UGGT2: variants seen among roughly 807,000 people sequenced by gnomAD.
UGGT2 encodes the protein UDP-glucose glycoprotein glucosyltransferase 2.
A neutral mutation model predicts 192.1 loss-of-function variants in UGGT2; 180 were observed. That is an observed-to-expected ratio of 0.94 (90% confidence interval 0.83 to 1.06). The LOEUF (loss-of-function observed/expected upper bound fraction) is 1.06, where lower values mean the gene tolerates loss of function less well. Ranked by LOEUF, UGGT2 falls within the 50% of genes least tolerant of loss-of-function variation. The pLI, the probability that UGGT2 is intolerant of heterozygous loss-of-function variation, is 0.00. For missense variants in UGGT2, 1,849 were observed against 1,795.7 expected (o/e 1.03, Z -0.54); for synonymous variants, 580 against 591.0 (o/e 0.98, Z 0.27).
chr13:95,940,905 A>G (rs756973748), intron 15 of UGGT2, among the ~76,000 whole-genome samples: 43 of 152,136 alleles, frequency 2.8e-4, no homozygotes, highest in Non-Finnish European at 5.9e-4. Flanking sequence ...ACTAGTAAGT[A>G]TTTTGACTAA....
intron 29 of UGGT2, among the ~76,000 whole-genome samples, chr13:95,871,356 T>C (rs1891205146): frequency 6.6e-6 from 1 of 152,088 alleles, no homozygotes; most frequent in African/African-American, 2.4e-5. Flanking sequence ...AGAAAAGGGA[T>C]TGTGTGAGAT....
chr13:95,914,526 G>A (rs1355884524), intron 20 of UGGT2, among the ~76,000 whole-genome samples: 2 of 145,080 alleles, frequency 1.4e-5, no homozygotes, highest in African/African-American at 5.1e-5. Context: ...TATAATCCCA[G>A]CACTTTGGGA....
At chr13:95,925,563 C>T (rs1013380600) in intron 20 of UGGT2, 117 bp downstream of exon 20, 21 of 699,098 alleles carry the variant, frequency 3.0e-5, no homozygotes, top group Admixed American at 3.8e-5. Context: ...TGAATTCCTT[C>T]GTCTACTTAA....
At chr13:95,927,374 A>T (rs201650972) in intron 17 of UGGT2, 38 bp from the exon 18 acceptor site, 1 of 1,527,770 alleles carries the variant, frequency 6.5e-7, no homozygotes, top group East Asian at 2.3e-5. Flanking sequence ...AATACAGGCA[A>T]TTTATATCCA....
intron 11 of UGGT2, 29 bp downstream of exon 11, chr13:95,972,551 T>C (rs1302424839): frequency 2.0e-6 from 3 of 1,512,314 alleles, no homozygotes; most frequent in African/African-American, 1.4e-5. Flanking sequence ...TAAACCATAG[T>C]TCATTTACAG....
chr13:95,903,174 T>C, intron 20 of UGGT2, 114 bp from the exon 21 acceptor site: 1 of 960,680 alleles, frequency 1.0e-6, no homozygotes, highest in Non-Finnish European at 1.5e-6. Context: ...TCTTTCACTA[T>C]CAAAGCCCTC....
chr13:95,828,991 C>G (rs528191617), intron 38 of UGGT2, among the ~76,000 whole-genome samples: 5 of 152,242 alleles, frequency 3.3e-5, no homozygotes, highest in African/African-American at 9.6e-5. Flanking sequence ...GGGTTTCATC[C>G]CTGGAATGCA....
intron 17 of UGGT2, among the ~76,000 whole-genome samples, chr13:95,931,518 G>A (rs1318743002): frequency 2.8e-5 from 4 of 143,110 alleles, no homozygotes; most frequent in African/African-American, 2.5e-5. Context: ...CTCGGGCTGC[G>A]CAAGACCCCA....
At chr13:95,813,672 C>T (rs780683453) in intron 38 of UGGT2, among the ~76,000 whole-genome samples, 1 of 152,124 alleles carries the variant, frequency 6.6e-6, no homozygotes. Context: ...TAGAGATATT[C>T]GCATAACCAA....
chr13:95,802,617 G>A (rs1042159087), intron 38 of UGGT2, among the ~76,000 whole-genome samples: 4 of 152,158 alleles, frequency 2.6e-5, no homozygotes, highest in Non-Finnish European at 4.4e-5. Flanking sequence ...AGGATACACC[G>A]CTGAAACGAT....
At chr13:96,053,126 G>A (rs1381778054) in intron 1 of UGGT2, 29 bp downstream of exon 1, 1 of 1,459,530 alleles carries the variant, frequency 6.9e-7, no homozygotes, top group Non-Finnish European at 9.0e-7. Context: ...GCCCACACCC[G>A]CCCGGACGAG....
At chr13:96,046,828 G>A (rs566996219) in intron 1 of UGGT2, among the ~76,000 whole-genome samples, 28 of 152,292 alleles carry the variant, frequency 1.8e-4, no homozygotes, top group Non-Finnish European at 3.2e-4. Flanking sequence ...TATATCCTGC[G>A]CATGGCTTGA....
chr13:96,050,510 C>A (rs1203903581), intron 1 of UGGT2, among the ~76,000 whole-genome samples: 1 of 152,196 alleles, frequency 6.6e-6, no homozygotes, highest in Non-Finnish European at 1.5e-5. Flanking sequence ...AGCATCTGCA[C>A]AGCAAAAGAA....
At chr13:95,834,800 C>T (rs1356073725) in intron 37 of UGGT2, among the ~76,000 whole-genome samples, 3 of 152,142 alleles carry the variant, frequency 2.0e-5, no homozygotes, top group Admixed American at 6.6e-5. Flanking sequence ...ACGTGACCAA[C>T]TCCCACCAAG....
chr13:95,931,609 CA>C (rs1056378981), intron 17 of UGGT2, among the ~76,000 whole-genome samples: 16 of 152,192 alleles, frequency 1.1e-4, no homozygotes, highest in South Asian at 2.1e-4. Context: ...AGCCCTGACC[CA>C]GGGGGAGGCA....
intron 38 of UGGT2, among the ~76,000 whole-genome samples, chr13:95,828,133 C>A (rs1218081265): frequency 6.6e-6 from 1 of 151,724 alleles, no homozygotes; most frequent in African/African-American, 2.4e-5. Flanking sequence ...TCTGCTGCAA[C>A]CTGGACATAT....
chr13:95,815,969 G>A (rs1253060239), intron 38 of UGGT2, among the ~76,000 whole-genome samples: 2 of 152,124 alleles, frequency 1.3e-5, no homozygotes, highest in Non-Finnish European at 2.9e-5. Context: ...GTTTAAAAGT[G>A]TGTGGCACCT....
chr13:95,897,836 T>C (rs2047990720), intron 22 of UGGT2, among the ~76,000 whole-genome samples: 1 of 152,188 alleles, frequency 6.6e-6, no homozygotes, highest in South Asian at 2.1e-4. Flanking sequence ...TTTGACTTAA[T>C]ATCTATCTCC....
chr13:95,994,984 A>C lies in UGGT2; in HGVS notation c.830+1079T>G, dbSNP rs138432188. Among the ~76,000 whole-genome samples, 254 of 152,190 alleles carry C rather than the reference A, an allele frequency of 1.7e-3. 1 individual carries two copies. The highest frequency in any genetic ancestry group is 5.9e-3 in the African/African-American group (245 of 41,588). ...TAGGTATCGAAAGTCTTAAATTTCA[A>C]ATTTTCTAGTTATCCCAGGGATACC... On this transcript the variant is annotated intron_variant, in intron 7 of 38. Transcript: ENST00000376747.
Sources: allele counts gnomAD v4.1 joint callset (sites outside exome capture counted in the v4.1 genomes callset), GRCh38; gene constraint gnomAD v4.1.1; transcripts MANE v1.5; gene names NCBI Gene and HGNC (gene_info 2026-07-23, HGNC 2026-07-21).